Variants in DHX34 observed in about 807,000 individuals in gnomAD.
DHX34 encodes the protein DExH-box helicase 34.
A neutral mutation model predicts 111.1 loss-of-function variants in DHX34; 96 were observed. The observed-to-expected ratio is 0.86, with a 90% CI of 0.73 to 1.02. The LOEUF (loss-of-function observed/expected upper bound fraction) is 1.02. Among genes scored for constraint, DHX34 ranks in the 50% least tolerant of loss-of-function variants. DHX34 has a pLI of 0.00. For missense variants in DHX34, 1,560 were observed against 1,579.9 expected (o/e 0.99, Z 0.21); for synonymous variants, 688 against 670.4 (o/e 1.03, Z -0.41).
At chr19:47,356,931 A>T (rs1221797797) in intron 3 of DHX34, among the ~76,000 whole-genome samples, 1 of 152,066 alleles carries the variant, frequency 6.6e-6, no homozygotes, top group African/African-American at 2.4e-5. Flanking sequence ...ACAGAGCGAG[A>T]CCCTGTCTCA....
In DHX34 at chr19:47,366,506, C is replaced by T. The variant is rs540590102; in HGVS notation, c.1594-475C>T. Among the ~76,000 whole-genome samples, 22 of 151,974 alleles carry T rather than the reference C, an allele frequency of 1.4e-4. No homozygotes were observed. The South Asian group carries it at 4.4e-3, about 30-fold the overall frequency. On this transcript the variant is annotated intron_variant, in intron 6 of 16. Transcript: ENST00000328771. ...ATGTTGGCCAGTCTGGTCTCAAACT[C>T]CTGACCTCAAGTGATCCACCTGCTG...
intron 3 of DHX34, 190 bp from the exon 4 acceptor site, chr19:47,357,676 C>A: frequency 1.2e-6 from 1 of 868,114 alleles, no homozygotes; most frequent in Non-Finnish European, 1.4e-6. Context: ...GAGATGGTGG[C>A]ATAATGAGAA....
rs769749899 is a variant in DHX34 at position 47,355,130 on chromosome 19, G to A, written c.797G>A (p.Arg266Gln). The change falls in exon 3 of 17, where the codon CGG becomes CAG. Residue 266 changes from arginine (R) to glutamine (Q), a missense_variant. Physicochemically the swap from Arg to Gln is conservative, Grantham distance 43. Coordinates refer to ENST00000328771, the MANE Select transcript of DHX34 (RefSeq NM_014681.6). The part of the protein sequence containing the change: ...TVGLLLRQIQ[R>Q]EPSLPQYEVL... ...GGGCTGCTCCTGCGACAAATCCAGC[G>A]GGAACCCAGCCTGCCCCAGTATGAG... is the stretch of plus-strand genomic sequence containing the variant. 17 of 1,613,702 alleles carry A rather than the reference G, an allele frequency of 1.1e-5. No homozygotes were observed. The highest frequency in any genetic ancestry group is 3.3e-5 in the Admixed American group (2 of 59,938).
chr19:47,379,794 GCAGA>G lies in DHX34; in HGVS notation c.2795_2798del (p.Asp932ValfsTer51), dbSNP rs1568408542. 1.2e-6 allele frequency: 2 copies of G among 1,613,678 alleles called. No individual in the cohort carries two copies. Among genetic ancestry groups the G allele is most frequent in the Non-Finnish European group, 1.7e-6 (2 of 1,179,726 alleles). On this transcript the variant is annotated frameshift_variant, in exon 14 of 17. Coordinates refer to ENST00000328771, the MANE Select transcript of DHX34 (RefSeq NM_014681.6). LOFTEE classifies it high-confidence loss of function. Reference sequence around the variant, plus strand: ...CGATGGCTGGCTGGAGCTGCAGCTAGCAGACAGTGAAAGTGCCATCCGACTCCTG... The same window carrying G: ...CGATGGCTGGCTGGAGCTGCAGCTAGCAGTGAAAGTGCCATCCGACTCCTG...
At chr19:47,377,021 T>C (rs1213772355) in intron 12 of DHX34, 79 bp from the exon 13 acceptor site, 1 of 1,606,790 alleles carries the variant, frequency 6.2e-7, no homozygotes, top group Non-Finnish European at 8.5e-7. Flanking sequence ...ATGTGTACTT[T>C]GACCGGGTGG....
At position 47,362,498 on chromosome 19, in the gene DHX34, C is replaced by A; in HGVS notation, c.1398C>A (p.Tyr466Ter). The A allele has an allele frequency of 6.3e-7, 1 of 1,597,668 alleles. No homozygotes were observed. Reference protein sequence around the residue: ...VDSGKVKEMSYDPQAKLQRLQ... With the variant: ...VDSGKVKEMS Reference sequence around the variant, plus strand: ...CAGGAAAGGTGAAGGAGATGAGCTACGATCCGCAGGCCAAGCTGCAACGGC... The same window carrying A: ...CAGGAAAGGTGAAGGAGATGAGCTAAGATCCGCAGGCCAAGCTGCAACGGC... The change falls in exon 6 of 17, where the codon TAC (tyrosine) becomes TAA (stop). Residue 466 changes from tyrosine (Y) to a stop codon, truncating the protein, a stop_gained. Coordinates refer to ENST00000328771, the MANE Select transcript of DHX34 (RefSeq NM_014681.6). LOFTEE classifies it high-confidence loss of function.
Position 47,376,002 on chromosome 19 carries a change from C to T in DHX34, c.2386C>T (p.Gln796Ter). 6.2e-7 allele frequency: 1 copy of T among 1,605,410 alleles called. No individual in the cohort carries two copies. The highest frequency in any genetic ancestry group is 1.1e-5 in the South Asian group (1 of 90,562). ...CTCAGCCCAGGACCTGAGCCGCGAG[C>T]AGCTGGCTCTGCTGAAGCTGGTGCT... ...ASSAQDLSREQLALLKLVLGR... is the reference protein window; with the variant it reads ...ASSAQDLSRE Residue 796 changes from glutamine to a stop codon, truncating the protein, a stop_gained, in exon 11 of 17, where the codon CAG becomes TAG. Coordinates refer to ENST00000328771, the MANE Select transcript of DHX34 (RefSeq NM_014681.6). LOFTEE classifies it high-confidence loss of function.
Position 47,358,036 on chromosome 19 carries a change from G to A in DHX34, c.1188G>A (p.Glu396=). The part of the protein sequence containing the change: ...SGMAEISAVL[E]AAQTYASHTQ... ...TGGCGGAGATCAGCGCCGTGCTGGA[G>A]GCTGCCCAGACCTATGCCAGCCACA... is the stretch of plus-strand genomic sequence containing the variant. Residue 396 remains glutamate, a synonymous_variant, in exon 4 of 17, where the codon GAG becomes GAA. Transcript: ENST00000328771. 6.2e-7 allele frequency: 1 copy of A among 1,613,328 alleles called. No homozygotes were observed.
intron 12 of DHX34, 58 bp from the exon 13 acceptor site, chr19:47,377,042 C>T (rs1360042272): frequency 6.2e-7 from 1 of 1,610,826 alleles, no homozygotes; most frequent in Non-Finnish European, 8.5e-7. Context: ...GACAGGCGGG[C>T]TTCTGATGGG....
At chr19:47,362,340 CCAGAATAAGCCCT>C in intron 5 of DHX34, 123 bp from the exon 6 acceptor site, 1 of 1,287,500 alleles carries the variant, frequency 7.8e-7, no homozygotes, top group Non-Finnish European at 9.9e-7. Flanking sequence ...AGAGTTGGGC[CCAGAATAAGCCCT>C]CAGTTAGCAT....
intron 2 of DHX34, chr19:47,354,835 G>A: frequency 2.1e-6 from 1 of 475,176 alleles, no homozygotes; most frequent in Non-Finnish European, 2.7e-6. Context: ...TGTATTTTTA[G>A]TAGAGATGGG....
chr19:47,356,638 A>G (rs182409395), intron 3 of DHX34, among the ~76,000 whole-genome samples: 10 of 151,620 alleles, frequency 6.6e-5, no homozygotes, highest in Admixed American at 2.6e-4. Flanking sequence ...AAAAAAAAAA[A>G]AAAGAAAGAA....
Position 47,382,181 on chromosome 19 carries a change from A to G in DHX34, c.*68A>G. The G allele has an allele frequency of 1.3e-6, 2 of 1,580,122 alleles. No homozygotes were observed. The highest frequency in any genetic ancestry group is 1.7e-6 in the Non-Finnish European group (2 of 1,163,710). On this transcript the variant is annotated 3_prime_UTR_variant, in exon 17 of 17. Coordinates refer to ENST00000328771, the MANE Select transcript of DHX34 (RefSeq NM_014681.6). ...CCTCCAGCCCAGGACTAGGGGCAGG[A>G]CTCTTGCCTGAACCCCCAGCCTGGG...
In DHX34 at chr19:47,381,251, T is replaced by C. The variant is rs1599781102; in HGVS notation, c.3225T>C (p.His1075=). 1.9e-6 allele frequency: 3 copies of C among 1,613,992 alleles called. No individual in the cohort carries two copies. The highest frequency in any genetic ancestry group is 1.3e-5 in the African/African-American group (1 of 74,932). Residue 1075 remains histidine, a synonymous_variant, in exon 16 of 17, where the codon CAT becomes CAC. Transcript: ENST00000328771. The part of the protein sequence containing the change: ...TFWTCPHCGL[H]APLTPLERIA... ...GGACCTGCCCCCACTGTGGCCTGCA[T>C]GCGCCCCTCACGCCCCTGGAGCGCA...
In DHX34 at chr19:47,360,618, T is replaced by C. The variant is rs116080418; in HGVS notation, c.1375+548T>C. ...TACTGTCCACTCTGTCTAAGAGATA[T>C]CCCCTCCTCCATCCGCTGTTGCTTG... On this transcript the variant is annotated intron_variant, in intron 5 of 16. Transcript: ENST00000328771. Among the ~76,000 whole-genome samples the C allele has an allele frequency of 7.8e-3, 1,185 of 152,238 alleles. 23 individuals carry two copies. Among genetic ancestry groups the C allele is most frequent in the African/African-American group, 0.027 (1,120 of 41,544 alleles).
At position 47,360,085 on chromosome 19, in the gene DHX34, G is replaced by A. The variant is rs748292697; in HGVS notation, c.1375+15G>A. The A allele has an allele frequency of 1.2e-6, 2 of 1,613,216 alleles. No homozygotes were observed. The highest frequency in any genetic ancestry group is 8.5e-7 in the Non-Finnish European group (1 of 1,179,280). ...AGTAGATTCCGGTAAGGACCACCAT[G>A]AGCCCCTACCCACCACCCCCAAGGA... On this transcript the variant is annotated intron_variant, in intron 5 of 16. Transcript: ENST00000328771.
At chr19:47,376,321 T>G in intron 11 of DHX34, 122 bp from the exon 12 acceptor site, 3 of 1,527,268 alleles carry the variant, frequency 2.0e-6, no homozygotes, top group South Asian at 1.2e-5. Flanking sequence ...CTGCCCCAGA[T>G]TTGGAGGAGT....
At chr19:47,350,785 G>C (rs1284007667) in intron 1 of DHX34, among the ~76,000 whole-genome samples, 2 of 152,032 alleles carry the variant, frequency 1.3e-5, no homozygotes, top group African/African-American at 2.4e-5. Flanking sequence ...AAGAGAGATG[G>C]AGAAAGGAAG....
In DHX34 at chr19:47,367,758, C is replaced by A. The variant is rs543189432; in HGVS notation, c.1768+603C>A. Among the ~76,000 whole-genome samples, 291 of 151,828 alleles carry A rather than the reference C, an allele frequency of 1.9e-3. 1 individual carries two copies. The highest frequency in any genetic ancestry group is 6.7e-3 in the African/African-American group (277 of 41,376). On this transcript the variant is annotated intron_variant, in intron 7 of 16. Transcript: ENST00000328771. ...CAAAAATTAGCTGGGTGTGGTGGCA[C>A]ACGCCTGTAATCCCAGCCACTTGGG...
Sources: gnomAD v4.1 joint callset for allele counts (sites outside exome capture counted in the v4.1 genomes callset) on GRCh38, gnomAD v4.1.1 for gene constraint, MANE v1.5 for transcripts, NCBI Gene and HGNC (gene_info 2026-07-23, HGNC 2026-07-21) for gene names.